The following ZNF554 variants were observed in gnomAD, a reference collection of about 807,000 sequenced individuals.
The protein encoded by ZNF554 is zinc finger protein 554.
In ZNF554, 15 loss-of-function variants were observed where a neutral mutation model predicts 21.2. The ratio of observed to expected loss-of-function variants is 0.71; its 90% CI spans 0.47 to 1.09. The LOEUF is 1.09. ZNF554 is among the 50% of genes least tolerant of loss of function. The pLI, the probability that ZNF554 is intolerant of heterozygous loss-of-function variation, is 0.00. For synonymous variants in ZNF554, 258 were observed against 251.4 expected (o/e 1.03, Z -0.25); for missense variants, 691 against 662.7 (o/e 1.04, Z -0.47).
At chr19:2,826,204 A>AATTTTTTTT (rs2087330197) in intron 2 of ZNF554, 2 of 33,910 alleles carry the variant, frequency 5.9e-5, no homozygotes, top group African/African-American at 2.1e-4. Context: ...CCAGCCAGTA[A>AATTTTTTTT]CTTTTTTTTT....
Position 2,819,974 on chromosome 19 carries a change from C to G in ZNF554, c.-98C>G, listed in dbSNP as rs1044646410. 6.1e-6 allele frequency: 6 copies of G among 980,366 alleles called. No homozygotes were observed. In the African/African-American group the frequency reaches 8.5e-5, roughly 14 times the overall value. 60.7% of individuals were successfully genotyped at this position (980,366 alleles called of 1,614,324 possible). On this transcript the variant is annotated 5_prime_UTR_variant, in exon 1 of 5. Coordinates refer to ENST00000317243, the MANE Select transcript of ZNF554 (RefSeq NM_001102651.2). ...CCGCTCCGAGCGCCGAGGAGCCGAG[C>G]GGAGGAGGCGTCCCAGGGACACGCA...
At chr19:2,822,958 TG>T in intron 1 of ZNF554, 81 bp from the exon 2 acceptor site, 1 of 1,467,496 alleles carries the variant, frequency 6.8e-7, no homozygotes, top group Non-Finnish European at 9.3e-7. Flanking sequence ...TTCAAGCAAA[TG>T]GAGGTTCTCC....
At position 2,832,216 on chromosome 19, in the gene ZNF554, A is replaced by G. The variant is rs146219421; in HGVS notation, c.254-87A>G. The G allele has an allele frequency of 1.2e-3, 1,644 of 1,359,552 alleles. 20 individuals carry two copies. In the African/African-American group the frequency reaches 0.021, roughly 18 times the overall value. The allele number at this position is 1,359,552 out of a possible 1,614,324, so 84.2% of individuals were successfully genotyped here. Reference sequence around the variant, plus strand: ...GCTGGGATTACAGGAGTGAGCCACCATGCCTGGCACAGATCTGTAATTTTT... The same window carrying G: ...GCTGGGATTACAGGAGTGAGCCACCGTGCCTGGCACAGATCTGTAATTTTT... On this transcript the variant is annotated intron_variant, in intron 3 of 4. Transcript: ENST00000317243.
At chr19:2,823,327 G>A (rs1263261973) in intron 2 of ZNF554, among the ~76,000 whole-genome samples, 1 of 152,112 alleles carries the variant, frequency 6.6e-6, no homozygotes, top group African/African-American at 2.4e-5. Context: ...CTAGGAGACA[G>A]TATTACGGGA....
Position 2,827,705 on chromosome 19 carries a change from A to G in ZNF554, c.215A>G (p.Glu72Gly). 1 of 1,614,028 alleles carries G rather than the reference A, an allele frequency of 6.2e-7. No individual in the cohort carries two copies. The highest frequency in any genetic ancestry group is 8.5e-7 in the Non-Finnish European group (1 of 1,179,968). ...LEPAQKNLYR[E>G]VMLENYRNVV... ...CCTGCTCAGAAGAACCTGTACAGAG[A>G]GGTGATGCTGGAGAACTACAGGAAC... Residue 72 changes from glutamate to glycine, a missense_variant, in exon 3 of 5, where the codon GAG (glutamate) becomes GGG (glycine). Physicochemically the swap from Glu to Gly is moderately conservative, Grantham distance 98. Transcript: ENST00000317243.
chr19:2,832,258 T>C, intron 3 of ZNF554, 45 bp from the exon 4 acceptor site: 1 of 1,504,272 alleles, frequency 6.6e-7, no homozygotes. Flanking sequence ...GAAAATAAAA[T>C]CATTATCTTG....
chr19:2,827,100 C>T (rs2087345579), intron 2 of ZNF554, among the ~76,000 whole-genome samples: 1 of 152,202 alleles, frequency 6.6e-6, no homozygotes, highest in Admixed American at 6.5e-5. Context: ...TATTGCTTCT[C>T]AGTCTTCTGA....
intron 3 of ZNF554, chr19:2,831,342 T>A (rs1475649370): frequency 6.6e-6 from 1 of 151,524 alleles, no homozygotes; most frequent in African/African-American, 2.4e-5. Context: ...TCGCCCATGC[T>A]GGAATGCAGT....
At chr19:2,828,865 G>T (rs988710289) in intron 3 of ZNF554, among the ~76,000 whole-genome samples, 4 of 151,956 alleles carry the variant, frequency 2.6e-5, no homozygotes, top group Non-Finnish European at 5.9e-5. Flanking sequence ...TCACTATCAC[G>T]AGAACAGCAT....
Position 2,827,599 on chromosome 19 carries a change from A to ACTG in ZNF554, c.127-14_127-12dup, listed in dbSNP as rs769703610. 1 of 1,610,952 alleles carries ACTG rather than the reference A, an allele frequency of 6.2e-7. No individual in the cohort carries two copies. The highest frequency in any genetic ancestry group is 1.1e-5 in the South Asian group (1 of 90,500). The stretch of plus-strand genomic sequence containing the variant: ...TGGCGATGGACCCATCTTGAGCAGA[A>ACTG]CTGCTGTGATATTCTAGGAATTAGT... On this transcript the variant is annotated splice_polypyrimidine_tract_variant and intron_variant, in intron 2 of 4. Transcript: ENST00000317243.
intron 2 of ZNF554, chr19:2,826,465 G>A (rs10405726): frequency 0.42 from 63,869 of 151,518 alleles, 13,729 homozygotes; most frequent in South Asian, 0.57. Flanking sequence ...GCCTCCCAAA[G>A]TGCTAGGATT....
chr19:2,826,947 C>G lies in ZNF554; in HGVS notation c.127-670C>G, dbSNP rs552704490. ...AAAGTGCTGGGATTACAGGTGTGAGCCACTGCGACTGGCTGCAGATTCCTC... is the reference window on the plus strand; with the variant it reads ...AAAGTGCTGGGATTACAGGTGTGAGGCACTGCGACTGGCTGCAGATTCCTC... On this transcript the variant is annotated intron_variant, in intron 2 of 4. Transcript: ENST00000317243. 1.1e-4 allele frequency among the ~76,000 whole-genome samples: 17 copies of G among 152,302 alleles called. No homozygotes were observed. In the South Asian group the frequency reaches 3.5e-3, roughly 32 times the overall value.
In ZNF554 at chr19:2,823,044, G is replaced by A; in HGVS notation, c.58G>A (p.Ala20Thr). 1 of 1,613,518 alleles carries A rather than the reference G, an allele frequency of 6.2e-7. No individual in the cohort carries two copies. The highest frequency in any genetic ancestry group is 8.5e-7 in the Non-Finnish European group (1 of 1,179,588). The stretch of plus-strand genomic sequence containing the variant: ...GCGCCTTTTTCCTCCCCACAGCTCT[G>A]CCTGCCCAGGAACCTGCTTTTCCCA... Reference protein sequence around the residue: ...RARLPAAQPSACPGTCFSQEE... With the variant: ...RARLPAAQPSTCPGTCFSQEE... Residue 20 changes from alanine to threonine, a missense_variant, in exon 2 of 5, where the codon GCC becomes ACC. Coordinates refer to ENST00000317243, the MANE Select transcript of ZNF554 (RefSeq NM_001102651.2).
chr19:2,825,382 C>T (rs1024364686), intron 2 of ZNF554, among the ~76,000 whole-genome samples: 2 of 152,104 alleles, frequency 1.3e-5, no homozygotes, highest in African/African-American at 4.8e-5. Context: ...ACAATCTCAG[C>T]TCACGCTGAG....
intron 2 of ZNF554, 73 bp from the exon 3 acceptor site, chr19:2,827,544 C>T: frequency 3.9e-6 from 6 of 1,544,140 alleles, no homozygotes; most frequent in Non-Finnish European, 5.2e-6. Flanking sequence ...CTGGTGCCAC[C>T]AACCTCACCC....
At chr19:2,822,894 C>A (rs2087281334) in intron 1 of ZNF554, 146 bp from the exon 2 acceptor site, 1 of 679,534 alleles carries the variant, frequency 1.5e-6, no homozygotes, top group Non-Finnish European at 2.4e-6. Context: ...CAAACCCTGG[C>A]TTCAGTCCTG....
At position 2,836,711 on chromosome 19, in the gene ZNF554, A is replaced by C. The variant is rs1485256393; in HGVS notation, c.*1859A>C. ...AAATCAAATAGCACCCAAAATTGTG[A>C]AGGATACGGAACCTCATTGATGAGT... On this transcript the variant is annotated 3_prime_UTR_variant, in exon 5 of 5. Transcript: ENST00000317243. Among the ~76,000 whole-genome samples the C allele has an allele frequency of 6.6e-6, 1 of 152,190 alleles. No individual in the cohort carries two copies. Among genetic ancestry groups the C allele is most frequent in the Non-Finnish European group, 1.5e-5 (1 of 68,036 alleles).
At position 2,821,796 on chromosome 19, in the gene ZNF554, T is replaced by C. The variant is rs540529027; in HGVS notation, c.54-1244T>C. 7.5e-4 allele frequency among the ~76,000 whole-genome samples: 114 copies of C among 152,050 alleles called. 5 individuals are homozygous for C. The highest frequency in any genetic ancestry group is 3.4e-3 in the Middle Eastern group (1 of 292). ...ATTCTGCCTCAGCCTCTCGAGTAGC[T>C]GGGATTACAGGTGCACGCCACCACA... On this transcript the variant is annotated intron_variant, in intron 1 of 4. Transcript: ENST00000317243. This position sits in a 1 kb window ranked among gnomAD's most constrained non-coding sequence, Gnocchi z 8.2.
Position 2,836,598 on chromosome 19 carries a change from G to A in ZNF554, c.*1746G>A, listed in dbSNP as rs746083984. On this transcript the variant is annotated 3_prime_UTR_variant, in exon 5 of 5. Transcript: ENST00000317243. The stretch of plus-strand genomic sequence containing the variant: ...AGACGTGAAGAAATGAATCATTTAC[G>A]CAATGATTGGGGTGTTCCAATTATG... Among the ~76,000 whole-genome samples, 10 of 152,206 alleles carry A rather than the reference G, an allele frequency of 6.6e-5. No individual in the cohort carries two copies. Among genetic ancestry groups the A allele is most frequent in the Admixed American group, 3.3e-4 (5 of 15,286 alleles).
Sources: gnomAD v4.1 joint callset for allele counts (sites outside exome capture counted in the v4.1 genomes callset) on GRCh38, gnomAD v4.1.1 for gene constraint, Gnocchi (gnomAD v3.1) non-coding constraint, MANE v1.5 for transcripts, NCBI Gene and HGNC (gene_info 2026-07-23, HGNC 2026-07-21) for gene names.